The following PAX8 variants were observed in gnomAD, a reference collection of about 807,000 sequenced individuals.
The protein encoded by PAX8 is paired box 8.
A neutral mutation model predicts 52.4 loss-of-function variants in PAX8; 15 were observed. That is an observed-to-expected ratio of 0.29 (90% CI 0.19 to 0.44). PAX8 has a LOEUF of 0.44. PAX8 is among the 20% of genes least tolerant of loss of function. The pLI is 1.00. For synonymous variants in PAX8, 284 were observed against 249.7 expected, an observed-to-expected ratio of 1.14 and a Z score of -1.29; for missense variants, 554 against 602.5, an observed-to-expected ratio of 0.92 and a Z score of 0.84.
chr2:113,233,749 G>A (rs1300122984), intron 9 of PAX8, among the ~76,000 whole-genome samples: 1 of 151,904 alleles, frequency 6.6e-6, no homozygotes, highest in Non-Finnish European at 1.5e-5. Flanking sequence ...CTCTGGGCTT[G>A]TAGAGGTCTT....
At chr2:113,263,581 A>G (rs756263385) in intron 2 of PAX8, 1 of 152,202 alleles carries the variant, frequency 6.6e-6, no homozygotes. Flanking sequence ...ATAGATAAAG[A>G]TGCCATCTCG....
chr2:113,255,958 A>G (rs1048329089), intron 2 of PAX8, among the ~76,000 whole-genome samples: 4 of 151,428 alleles, frequency 2.6e-5, no homozygotes, highest in African/African-American at 9.7e-5. Context: ...CTGTGTAGGC[A>G]GTGCTGCATG....
At chr2:113,227,314 T>C (rs1412079958) in intron 9 of PAX8, 58 bp from the exon 10 acceptor site, 1 of 1,355,844 alleles carries the variant, frequency 7.4e-7, no homozygotes, top group African/African-American at 1.4e-5. Context: ...ATATGTATCA[T>C]CTCACTCTCC....
chr2:113,262,536 C>T (rs1195947858), intron 2 of PAX8, among the ~76,000 whole-genome samples: 1 of 152,134 alleles, frequency 6.6e-6, no homozygotes, highest in Non-Finnish European at 1.5e-5. Flanking sequence ...CTGAAACGGA[C>T]TAAGGAGACA....
intron 2 of PAX8, among the ~76,000 whole-genome samples, chr2:113,253,061 A>G (rs1052317139): frequency 5.3e-5 from 8 of 152,198 alleles, no homozygotes; most frequent in African/African-American, 1.7e-4. Flanking sequence ...CCATGGATGG[A>G]CAGTGAGTGG....
chr2:113,241,434 GC>G, intron 7 of PAX8, 116 bp downstream of exon 7: 1 of 965,418 alleles, frequency 1.0e-6, no homozygotes, highest in Non-Finnish European at 1.6e-6. Context: ...TAAGGCAGGT[GC>G]CCTGAGCCCA....
At chr2:113,262,869 G>A (rs188619519) in intron 2 of PAX8, among the ~76,000 whole-genome samples, 1 of 152,314 alleles carries the variant, frequency 6.6e-6, no homozygotes, top group African/African-American at 2.4e-5. Flanking sequence ...CCCTTGATTT[G>A]ACACTTTTGG....
In PAX8 at chr2:113,220,128, T is replaced by C; in HGVS notation, c.1240A>G (p.Ser414Gly). 4 of 1,613,884 alleles carry C rather than the reference T, an allele frequency of 2.5e-6. No individual in the cohort carries two copies. Among genetic ancestry groups the C allele is most frequent in the Middle Eastern group, 1.7e-4 (1 of 6,060 alleles). The part of the protein sequence containing the change: ...AYGHTPYSSY[S>G]EAWRFPNSSL... ...GAGTTGGGGAAGCGCCAGGCCTCGC[T>C]GTAGGAGGAGTAGGGGGTGTGGCCA... The change falls in exon 11 of 12, where the codon AGC (serine) becomes GGC (glycine). Residue 414 changes from serine to glycine, a missense_variant. Transcript: ENST00000429538.
chr2:113,224,816 TA>T (rs869310446), intron 10 of PAX8, among the ~76,000 whole-genome samples: 3 of 140,828 alleles, frequency 2.1e-5, no homozygotes, highest in African/African-American at 5.4e-5. Flanking sequence ...TAAAATAAAA[TA>T]AAAAAATAAA....
intron 3 of PAX8, among the ~76,000 whole-genome samples, chr2:113,245,564 G>A (rs1691246744): frequency 6.6e-6 from 1 of 152,120 alleles, no homozygotes. Flanking sequence ...TCCCCAGCCA[G>A]GTCCAACTTG....
At chr2:113,243,133 A>T (rs971488413) in intron 4 of PAX8, among the ~76,000 whole-genome samples, 1 of 152,070 alleles carries the variant, frequency 6.6e-6, no homozygotes, top group African/African-American at 2.4e-5. Context: ...GCATGTCATC[A>T]CCAGTGTTCC....
At chr2:113,235,792 C>T (rs953550222) in intron 8 of PAX8, 33 of 557,098 alleles carry the variant, frequency 5.9e-5, no homozygotes, top group South Asian at 1.8e-4. Context: ...GCTTCTGCAG[C>T]GAAAATGGAG....
intron 7 of PAX8, 169 bp from the exon 8 acceptor site, chr2:113,236,890 G>T (rs1690405821): frequency 4.0e-6 from 3 of 748,464 alleles, no homozygotes; most frequent in South Asian, 4.2e-5. Flanking sequence ...TTTCGTTCAT[G>T]CTCATTGTCC....
At position 113,235,469 on chromosome 2, in the gene PAX8, C is replaced by G; in HGVS notation, c.1012G>C (p.Gly338Arg). ...GGAAAGGCATTGAAGGGCGGGACCC[C>G]GGAGCCGACTTGCTGCAGATCCAAA... Reference protein sequence around the residue: ...AFLDLQQVGSGVPPFNAFPHA... With the variant: ...AFLDLQQVGSRVPPFNAFPHA... Residue 338 changes from glycine to arginine, a missense_variant, in exon 9 of 12, where the codon GGG becomes CGG. Gly to Arg is a moderately radical substitution (Grantham distance 125). Transcript: ENST00000429538. 2 of 1,612,720 alleles carry G rather than the reference C, an allele frequency of 1.2e-6. No individual in the cohort carries two copies. Among genetic ancestry groups the G allele is most frequent in the Non-Finnish European group, 8.5e-7 (1 of 1,179,370 alleles).
chr2:113,235,341 C>A, intron 9 of PAX8, 53 bp downstream of exon 9: 1 of 1,477,596 alleles, frequency 6.8e-7, no homozygotes, highest in South Asian at 1.3e-5. Flanking sequence ...CCCTGAGGAC[C>A]CCCGTCCCAC....
intron 8 of PAX8, 98 bp downstream of exon 8, chr2:113,236,503 T>C (rs1474923065): frequency 7.2e-7 from 1 of 1,395,414 alleles, no homozygotes; most frequent in African/African-American, 1.4e-5. Flanking sequence ...AGCCCGCCTC[T>C]CCTCTCCAGG....
intron 2 of PAX8, among the ~76,000 whole-genome samples, chr2:113,276,902 G>A (rs758079299): frequency 1.3e-5 from 2 of 151,536 alleles, no homozygotes; most frequent in Non-Finnish European, 3.0e-5. Context: ...CATGGGCACC[G>A]GGCACTGCAC....
At chr2:113,251,097 C>T (rs1691722684) in intron 2 of PAX8, among the ~76,000 whole-genome samples, 1 of 152,240 alleles carries the variant, frequency 6.6e-6, no homozygotes, top group Non-Finnish European at 1.5e-5. Context: ...AGCCTGCTGG[C>T]TGCAGATGGA....
intron 9 of PAX8, among the ~76,000 whole-genome samples, chr2:113,231,672 C>T (rs1256499293): frequency 2.0e-5 from 3 of 152,228 alleles, no homozygotes; most frequent in Non-Finnish European, 4.4e-5. Flanking sequence ...TCTCCTCTCT[C>T]CTGGTCTGCA....
Sources: gnomAD v4.1 joint callset for allele counts (sites outside exome capture counted in the v4.1 genomes callset) on GRCh38, gnomAD v4.1.1 for gene constraint, MANE v1.5 for transcripts, NCBI Gene and HGNC (gene_info 2026-07-23, HGNC 2026-07-21) for gene names.